The following HLTF variants were observed in gnomAD, a reference collection of about 807,000 sequenced individuals.
HLTF encodes the protein helicase like transcription factor.
Under a neutral mutation model 129.4 loss-of-function variants are expected in HLTF, and 127 were observed. The observed-to-expected ratio is 0.98, with a 90% CI of 0.85 to 1.14. The LOEUF is 1.14. Among genes scored for constraint, HLTF ranks in the 50% most tolerant of loss-of-function variants. The pLI is 0.00. For missense variants in HLTF, 1,139 were observed against 1,187.1 expected (o/e 0.96, Z 0.60); for synonymous variants, 332 against 388.8 (o/e 0.85, Z 1.72).
At chr3:149,073,424 T>A in intron 4 of HLTF, 102 bp from the exon 5 acceptor site, 1 of 808,688 alleles carries the variant, frequency 1.2e-6, no homozygotes, top group Non-Finnish European at 2.0e-6. Context: ...CTGGGTGCTG[T>A]GGCTCATGCC....
intron 2 of HLTF, among the ~76,000 whole-genome samples, chr3:149,079,402 AAAAAAAAAAATTATTT>A (rs1719681273): frequency 7.6e-6 from 1 of 131,788 alleles, no homozygotes; most frequent in African/African-American, 2.8e-5. Context: ...AAAAAAAAAA[AAAAAAAAAAATTATTT>A]AAAAAAATAA....
At chr3:149,068,394 AC>A in intron 7 of HLTF, 59 bp from the exon 8 acceptor site, 1 of 754,826 alleles carries the variant, frequency 1.3e-6, no homozygotes, top group Non-Finnish European at 2.2e-6. Flanking sequence ...CACCAGAAAA[AC>A]GTTCCCATTT....
In HLTF at chr3:149,032,313, T is replaced by G. The variant is rs1715136900; in HGVS notation, c.2937A>C (p.Glu979Asp). 1 of 1,599,454 alleles carries G rather than the reference T, an allele frequency of 6.3e-7. No homozygotes were observed. Among genetic ancestry groups the G allele is most frequent in the Non-Finnish European group, 8.5e-7 (1 of 1,172,858 alleles). ...TAGTTCCAAAGGCTCCTGCTGCAAGTTCTCTCTTTTTGTTTTGTATTTTCA... is the reference window on the plus strand; with the variant it reads ...TAGTTCCAAAGGCTCCTGCTGCAAGGTCTCTCTTTTTGTTTTGTATTTTCA... ...NMLKIQNKKR[E>D]LAAGAFGTKK... The change falls in exon 25 of 25, where the codon GAA becomes GAC. Residue 979 changes from glutamate to aspartate, a missense_variant. Coordinates refer to ENST00000310053, the MANE Select transcript of HLTF (RefSeq NM_003071.4).
intron 14 of HLTF, among the ~76,000 whole-genome samples, chr3:149,054,634 CAATT>C (rs1285733550): frequency 2.0e-5 from 3 of 151,926 alleles, no homozygotes; most frequent in East Asian, 3.9e-4. Flanking sequence ...TGCAAATAAA[CAATT>C]AATCAAGAGG....
rs1271823411 is a variant in HLTF at position 149,039,100 on chromosome 3, A to C, written c.2745T>G (p.Gly915=). The C allele has an allele frequency of 6.2e-7, 1 of 1,610,872 alleles. No homozygotes were observed. The change falls in exon 23 of 25, where the codon GGT becomes GGG. Residue 915 remains glycine, a synonymous_variant. Coordinates refer to ENST00000310053, the MANE Select transcript of HLTF (RefSeq NM_003071.4). The part of the protein sequence containing the change: ...PTIMLLSLKA[G]GVGLNLSAAS... The stretch of plus-strand genomic sequence containing the variant: ...CTGCAGACAGATTCAAACCAACTCC[A>C]CCTGCTTTTAAGGACAGAAGCATTA...
At chr3:149,070,321 G>A (rs1327420139) in intron 7 of HLTF, among the ~76,000 whole-genome samples, 1 of 152,212 alleles carries the variant, frequency 6.6e-6, no homozygotes, top group South Asian at 2.1e-4. Context: ...TGAAGAAGCA[G>A]GTGAGAATTC....
intron 14 of HLTF, among the ~76,000 whole-genome samples, chr3:149,053,316 G>A (rs933947315): frequency 5.9e-5 from 9 of 152,134 alleles, no homozygotes; most frequent in Admixed American, 5.2e-4. Flanking sequence ...CTCCTGAGTG[G>A]CTTAGTGCTA....
chr3:149,042,497 T>A (rs527352579), intron 18 of HLTF, among the ~76,000 whole-genome samples: 1 of 152,160 alleles, frequency 6.6e-6, no homozygotes, highest in African/African-American at 2.4e-5. Context: ...CCAATTGCAG[T>A]CTAAGTCAGA....
chr3:149,045,992 T>C (rs1243159082), intron 18 of HLTF, 88 bp downstream of exon 18: 3 of 925,490 alleles, frequency 3.2e-6, no homozygotes, highest in Non-Finnish European at 5.0e-6. Context: ...CTTCAAACTA[T>C]TGCTAACACA....
chr3:149,075,796 T>C, intron 3 of HLTF, 85 bp downstream of exon 3: 1 of 821,354 alleles, frequency 1.2e-6, no homozygotes, highest in Non-Finnish European at 1.9e-6. Flanking sequence ...TAGCATACCT[T>C]TATAGGCTCT....
intron 18 of HLTF, among the ~76,000 whole-genome samples, chr3:149,042,556 A>C (rs143355874): frequency 6.6e-5 from 10 of 152,258 alleles, no homozygotes; most frequent in Non-Finnish European, 1.3e-4. Context: ...AGAGCTGCCA[A>C]AACACAATTC....
In HLTF at chr3:149,059,674, A is replaced by G. The variant is rs780695765; in HGVS notation, c.1375+44T>C. On this transcript the variant is annotated intron_variant, in intron 13 of 24. Coordinates refer to ENST00000310053, the MANE Select transcript of HLTF (RefSeq NM_003071.4). ...AAATTTTAAATTTTTTCATTCAAAA[A>G]CAGAAAAAAAACCAAAAACTAGAAA... The G allele has an allele frequency of 5.9e-6, 7 of 1,193,308 alleles. No individual in the cohort carries two copies. In the South Asian group the frequency reaches 9.4e-5, roughly 16 times the overall value. The allele number at this position is 1,193,308 out of a possible 1,614,324, so 73.9% of individuals were successfully genotyped here. A position where few individuals can be genotyped will look rare whatever the true frequency, so the allele number is the denominator to read the frequency against.
At position 149,071,356 on chromosome 3, in the gene HLTF, A is replaced by G. The variant is rs140551459; in HGVS notation, c.790T>C (p.Trp264Arg). ...TAGTATAAGTCATTTCGCTGTTCCC[A>G]GAATGGTGGAAGTTCTTTGCTATTT... ...RENSKELPPFWEQRNDLYYNT... is the reference protein window; with the variant it reads ...RENSKELPPFREQRNDLYYNT... The change falls in exon 7 of 25, where the codon TGG becomes CGG. Residue 264 changes from tryptophan (W) to arginine (R), a missense_variant. Coordinates refer to ENST00000310053, the MANE Select transcript of HLTF (RefSeq NM_003071.4). The G allele has an allele frequency of 6.2e-7, 1 of 1,613,264 alleles. No individual in the cohort carries two copies. The highest frequency in any genetic ancestry group is 8.5e-7 in the Non-Finnish European group (1 of 1,179,216).
chr3:149,073,959 A>G (rs1360435859), intron 4 of HLTF, among the ~76,000 whole-genome samples: 1 of 152,062 alleles, frequency 6.6e-6, no homozygotes, highest in African/African-American at 2.4e-5. Flanking sequence ...TATATATGAG[A>G]CTTCATTGCA....
intron 7 of HLTF, among the ~76,000 whole-genome samples, chr3:149,069,411 C>T (rs566823839): frequency 6.8e-6 from 1 of 147,174 alleles, no homozygotes; most frequent in South Asian, 2.1e-4. Flanking sequence ...GCGGAGGGTG[C>T]AGTGAGCCAA....
intron 5 of HLTF, 94 bp from the exon 6 acceptor site, chr3:149,071,751 G>A (rs35581343): frequency 0.033 from 27,808 of 835,294 alleles, 582 homozygotes; most frequent in South Asian, 0.052. Flanking sequence ...ATTAACTGGC[G>A]TTAATGTCAA....
chr3:149,037,998 A>T (rs1289089511), intron 23 of HLTF, among the ~76,000 whole-genome samples: 1 of 152,194 alleles, frequency 6.6e-6, no homozygotes, highest in Non-Finnish European at 1.5e-5. Flanking sequence ...TGACTGCACT[A>T]TATTAGGCAT....
chr3:149,032,415 G>A, intron 24 of HLTF, 43 bp from the exon 25 acceptor site: 1 of 1,221,458 alleles, frequency 8.2e-7, no homozygotes, highest in Non-Finnish European at 1.1e-6. Context: ...TTAAGGCATA[G>A]TATTTAAAAT....
intron 15 of HLTF, 135 bp downstream of exon 15, chr3:149,050,097 A>T: frequency 2.3e-6 from 1 of 436,042 alleles, no homozygotes. Context: ...AAAACCATTT[A>T]TTTTTCTATA....
Sources: gnomAD v4.1 joint callset for allele counts (sites outside exome capture counted in the v4.1 genomes callset) on GRCh38, gnomAD v4.1.1 for gene constraint, MANE v1.5 for transcripts, NCBI Gene and HGNC (gene_info 2026-07-23, HGNC 2026-07-21) for gene names.